Variants in CADPS2 observed in about 807,000 individuals in gnomAD.
CADPS2 encodes the protein calcium-dependent secretion activator 2.
CADPS2 carries 93 observed loss-of-function variants against 172.5 expected under a neutral mutation model. That is an observed-to-expected ratio of 0.54 (90% confidence interval 0.46 to 0.64). The LOEUF is 0.64. Ranked by LOEUF, CADPS2 falls within the 30% of genes least tolerant of loss-of-function variation. The probability of loss-of-function intolerance (pLI) is 0.00; values close to 1 mark genes in which losing one functional copy is unlikely to be tolerated. For synonymous variants in CADPS2, 546 were observed against 555.2 expected, an observed-to-expected ratio of 0.98 and a Z score of 0.23; for missense variants, 1,420 against 1,565.9, an observed-to-expected ratio of 0.91 and a Z score of 1.57.
chr7:122,500,095 T>C (rs549269876), intron 9 of CADPS2, among the ~76,000 whole-genome samples: 4 of 152,296 alleles, frequency 2.6e-5, no homozygotes, highest in African/African-American at 7.2e-5. Flanking sequence ...AATTCAGTTC[T>C]TCACCTGAAC....
chr7:122,481,001 G>A (rs1469529581), intron 11 of CADPS2, 141 bp from the exon 12 acceptor site: 1 of 712,274 alleles, frequency 1.4e-6, no homozygotes, highest in Admixed American at 3.6e-5. Context: ...AAGACCATCA[G>A]GAAAGAAAAC....
Position 122,356,949 on chromosome 7 carries a change from T to G in CADPS2, c.3504+3839A>C, listed in dbSNP as rs543234476. Among the ~76,000 whole-genome samples, 6 of 152,294 alleles carry G rather than the reference T, an allele frequency of 3.9e-5. No homozygotes were observed. In the South Asian group the frequency reaches 8.3e-4, roughly 21 times the overall value. On this transcript the variant is annotated intron_variant, in intron 27 of 29. Coordinates refer to ENST00000449022, the MANE Select transcript of CADPS2 (RefSeq NM_017954.11). ...ATTTCATTAAAGATTAGAGAACAAA[T>G]TTGAGTGCTATGTGGGCTTGTTGCT...
intron 2 of CADPS2, among the ~76,000 whole-genome samples, chr7:122,710,801 T>C (rs2088576410): frequency 6.6e-6 from 1 of 152,122 alleles, no homozygotes; most frequent in Non-Finnish European, 1.5e-5. Flanking sequence ...TTTTGCCTTA[T>C]ATTATATATA....
intron 1 of CADPS2, among the ~76,000 whole-genome samples, chr7:122,762,236 G>A (rs1326943108): frequency 6.6e-6 from 1 of 151,536 alleles, no homozygotes; most frequent in African/African-American, 2.4e-5. Flanking sequence ...AAAAGTGAAG[G>A]GATAAATAAA....
intron 1 of CADPS2, among the ~76,000 whole-genome samples, chr7:122,834,085 C>T (rs561047325): frequency 1.2e-4 from 19 of 152,218 alleles, no homozygotes; most frequent in African/African-American, 4.6e-4. Context: ...TTAAAGTAAA[C>T]TTATAAACTG....
chr7:122,424,296 T>G, intron 17 of CADPS2: 1 of 974,872 alleles, frequency 1.0e-6, no homozygotes, highest in Non-Finnish European at 1.2e-6. Context: ...GAATAATTGT[T>G]CTGTCATCAC....
At chr7:122,699,559 T>C (rs959165182) in intron 2 of CADPS2, among the ~76,000 whole-genome samples, 1 of 152,210 alleles carries the variant, frequency 6.6e-6, no homozygotes. Context: ...TTTTGATTCA[T>C]CACATAAACC....
At chr7:122,797,133 G>A (rs978581671) in intron 1 of CADPS2, among the ~76,000 whole-genome samples, 2 of 151,854 alleles carry the variant, frequency 1.3e-5, no homozygotes, top group East Asian at 1.9e-4. Flanking sequence ...TTAGAGACAC[G>A]CAAATCAAAC....
intron 6 of CADPS2, among the ~76,000 whole-genome samples, chr7:122,603,972 G>A (rs1050552196): frequency 6.6e-6 from 1 of 151,998 alleles, no homozygotes; most frequent in African/African-American, 2.4e-5. Context: ...GTACAACATG[G>A]GGGATGATGG....
intron 15 of CADPS2, among the ~76,000 whole-genome samples, chr7:122,449,986 C>T (rs1024622644): frequency 1.1e-4 from 16 of 152,158 alleles, no homozygotes; most frequent in African/African-American, 3.1e-4. Context: ...ATAGTATATA[C>T]TATGAGATTT....
At chr7:122,809,683 A>G (rs890351502) in intron 1 of CADPS2, among the ~76,000 whole-genome samples, 3 of 152,308 alleles carry the variant, frequency 2.0e-5, no homozygotes, top group East Asian at 1.9e-4. Flanking sequence ...CCAAGGAAAG[A>G]CTAATTATAA....
At chr7:122,726,610 A>C (rs2091111604) in intron 2 of CADPS2, among the ~76,000 whole-genome samples, 1 of 151,998 alleles carries the variant, frequency 6.6e-6, no homozygotes. Context: ...TTAGCAAACG[A>C]CATGCACGAA....
At chr7:122,554,045 A>G (rs904227523) in intron 8 of CADPS2, among the ~76,000 whole-genome samples, 2 of 152,158 alleles carry the variant, frequency 1.3e-5, no homozygotes, top group African/African-American at 2.4e-5. Flanking sequence ...CCCAGGCAAC[A>G]GTAGCAGTTT....
At chr7:122,512,677 G>T (rs1257880098) in intron 9 of CADPS2, among the ~76,000 whole-genome samples, 1 of 151,948 alleles carries the variant, frequency 6.6e-6, no homozygotes, top group Non-Finnish European at 1.5e-5. Context: ...TTAAATGGCA[G>T]CATATTTGCA....
At chr7:122,417,428 C>A (rs2048050142) in intron 17 of CADPS2, among the ~76,000 whole-genome samples, 1 of 152,140 alleles carries the variant, frequency 6.6e-6, no homozygotes, top group Non-Finnish European at 1.5e-5. Flanking sequence ...GTGTGAAACA[C>A]CAAATAGTCA....
intron 17 of CADPS2, among the ~76,000 whole-genome samples, chr7:122,420,796 C>T (rs2151805419): frequency 6.6e-6 from 1 of 152,310 alleles, no homozygotes; most frequent in South Asian, 2.1e-4. Context: ...TTGTTCTTGG[C>T]TATGATTCTT....
chr7:122,768,191 A>C (rs1457423199), intron 1 of CADPS2, among the ~76,000 whole-genome samples: 1 of 152,188 alleles, frequency 6.6e-6, no homozygotes, highest in African/African-American at 2.4e-5. Context: ...TCCAACATAT[A>C]TTAGCCATAG....
chr7:122,844,004 A>C (rs1811286629), intron 1 of CADPS2, among the ~76,000 whole-genome samples: 1 of 152,260 alleles, frequency 6.6e-6, no homozygotes, highest in African/African-American at 2.4e-5. Context: ...AGACAGGATC[A>C]TAGACGAGTT....
At chr7:122,543,348 T>C (rs1432285791) in intron 8 of CADPS2, among the ~76,000 whole-genome samples, 1 of 152,162 alleles carries the variant, frequency 6.6e-6, no homozygotes, top group Non-Finnish European at 1.5e-5. Context: ...GGGCAAGTAA[T>C]TAGCTCTACT....
Sources: allele counts gnomAD v4.1 joint callset (sites outside exome capture counted in the v4.1 genomes callset), GRCh38; gene constraint gnomAD v4.1.1; transcripts MANE v1.5; gene names NCBI Gene and HGNC (gene_info 2026-07-23, HGNC 2026-07-21).